The following ARL15 variants were observed in gnomAD, a reference collection of about 807,000 sequenced individuals.
ARL15 encodes the protein ARF like GTPase 15.
ARL15 carries 19 observed loss-of-function variants against 25.2 expected under a neutral mutation model. That is an observed-to-expected ratio of 0.75 (90% CI 0.53 to 1.10). ARL15 has a LOEUF of 1.10. Ranked by LOEUF, ARL15 falls within the 50% of genes least tolerant of loss-of-function variation. The pLI is 0.00. For synonymous variants in ARL15, 94 were observed against 86.8 expected, an observed-to-expected ratio of 1.08 and a Z score of -0.46; for missense variants, 220 against 246.0, an observed-to-expected ratio of 0.89 and a Z score of 0.71.
At chr5:54,096,261 T>C (rs1015805704) in intron 4 of ARL15, among the ~76,000 whole-genome samples, 3 of 152,214 alleles carry the variant, frequency 2.0e-5, no homozygotes, top group African/African-American at 7.2e-5. Flanking sequence ...TTATCTGTTA[T>C]ATGTAGGTTA....
intron 4 of ARL15, among the ~76,000 whole-genome samples, chr5:53,991,157 G>C (rs1465539960): frequency 6.6e-6 from 1 of 152,104 alleles, no homozygotes; most frequent in Non-Finnish European, 1.5e-5. Flanking sequence ...TGTTATACTT[G>C]GTAGGGAATA....
At chr5:54,121,689 T>C (rs563740423) in intron 3 of ARL15, among the ~76,000 whole-genome samples, 1 of 152,220 alleles carries the variant, frequency 6.6e-6, no homozygotes, top group South Asian at 2.1e-4. Flanking sequence ...AAGGACAGAA[T>C]GATGGTAGAG....
At chr5:54,148,360 T>C (rs552540680) in intron 3 of ARL15, among the ~76,000 whole-genome samples, 9 of 152,264 alleles carry the variant, frequency 5.9e-5, no homozygotes, top group African/African-American at 2.2e-4. Context: ...AACATCTGTT[T>C]CATATAACAG....
At chr5:54,064,743 A>T (rs78280922) in intron 4 of ARL15, among the ~76,000 whole-genome samples, 1 of 148,946 alleles carries the variant, frequency 6.7e-6, no homozygotes. Context: ...AAAAAAAAAA[A>T]CATTTACTTA....
intron 3 of ARL15, among the ~76,000 whole-genome samples, chr5:54,134,294 T>C (rs1197460316): frequency 6.6e-5 from 10 of 152,172 alleles, no homozygotes; most frequent in Non-Finnish European, 1.5e-4. Context: ...GGAAAGTATT[T>C]GACAAGTCTC....
chr5:54,273,334 T>A (rs1757839466), intron 1 of ARL15, among the ~76,000 whole-genome samples: 1 of 152,228 alleles, frequency 6.6e-6, no homozygotes, highest in African/African-American at 2.4e-5. Context: ...GTGCTCCTGC[T>A]GAGATGCACT....
At chr5:54,051,399 T>C (rs1224856801) in intron 4 of ARL15, among the ~76,000 whole-genome samples, 1 of 152,234 alleles carries the variant, frequency 6.6e-6, no homozygotes, top group Non-Finnish European at 1.5e-5. Flanking sequence ...TGAAACTTTT[T>C]CTTCCTGTTC....
At chr5:54,116,728 C>T (rs1006984398) in intron 3 of ARL15, among the ~76,000 whole-genome samples, 1 of 152,092 alleles carries the variant, frequency 6.6e-6, no homozygotes, top group African/African-American at 2.4e-5. Flanking sequence ...AGTCTAATGA[C>T]TATCATGAGG....
chr5:54,251,379 G>C (rs762720002), intron 1 of ARL15, among the ~76,000 whole-genome samples: 4 of 152,134 alleles, frequency 2.6e-5, no homozygotes, highest in Non-Finnish European at 5.9e-5. Context: ...TCCACAAGCA[G>C]AATTAAATTA....
intron 4 of ARL15, among the ~76,000 whole-genome samples, chr5:54,058,214 C>T (rs540829673): frequency 7.1e-4 from 108 of 152,008 alleles, no homozygotes; most frequent in African/African-American, 2.3e-3. Context: ...CCATGTTGCC[C>T]GGGCTGGTCT....
intron 4 of ARL15, among the ~76,000 whole-genome samples, chr5:54,046,569 C>T (rs1171374084): frequency 4.6e-5 from 7 of 151,866 alleles, no homozygotes; most frequent in Non-Finnish European, 8.8e-5. Context: ...AAAATACAAA[C>T]CAGTTTGAAT....
In ARL15 at chr5:54,085,639, T is replaced by C. The variant is rs189486873; in HGVS notation, c.462+27563A>G. On this transcript the variant is annotated intron_variant, in intron 4 of 4. Coordinates refer to ENST00000504924, the MANE Select transcript of ARL15 (RefSeq NM_019087.3). ...CAATTGTACATAAAATATTTTTAAA[T>C]TCCCTTCAGCTATCAATATATAAAT... is the stretch of plus-strand genomic sequence containing the variant. 9.2e-5 allele frequency among the ~76,000 whole-genome samples: 14 copies of C among 152,288 alleles called. No homozygotes were observed. In the East Asian group the frequency reaches 1.2e-3, roughly 13 times the overall value.
chr5:53,924,700 A>C (rs1745964663), intron 4 of ARL15, among the ~76,000 whole-genome samples: 1 of 151,970 alleles, frequency 6.6e-6, no homozygotes, highest in Non-Finnish European at 1.5e-5. Context: ...CCTCCTCCCA[A>C]CTCTGGACAG....
chr5:54,147,701 G>C lies in ARL15; in HGVS notation c.253+6879C>G, dbSNP rs113675041. 7.2e-3 allele frequency among the ~76,000 whole-genome samples: 1,101 copies of C among 152,210 alleles called. 13 individuals carry two copies. Among genetic ancestry groups the C allele is most frequent in the African/African-American group, 0.025 (1,055 of 41,536 alleles). ...TCCCTCCCATGGACACCTATGTCTG[G>C]AAATGTCTAAAACACTTTTCGAATA... On this transcript the variant is annotated intron_variant, in intron 3 of 4. Coordinates refer to ENST00000504924, the MANE Select transcript of ARL15 (RefSeq NM_019087.3).
intron 4 of ARL15, among the ~76,000 whole-genome samples, chr5:54,012,979 T>C (rs1174429564): frequency 6.6e-6 from 1 of 151,978 alleles, no homozygotes; most frequent in East Asian, 1.9e-4. Context: ...TTCGAATTTT[T>C]AGTAGAGACG....
chr5:54,172,728 T>C lies in ARL15; in HGVS notation c.49-800A>G, dbSNP rs1314151040. Among the ~76,000 whole-genome samples, 5 of 152,222 alleles carry C rather than the reference T, an allele frequency of 3.3e-5. No homozygotes were observed. The East Asian group carries it at 7.7e-4, about 23-fold the overall frequency. On this transcript the variant is annotated intron_variant, in intron 1 of 4. Transcript: ENST00000504924. ...GCAAAATGTTAATGACTAGTGATGC[T>C]GAGTAAAGAGAATAGAGGAAAACTC...
chr5:54,228,627 A>C (rs888319902), intron 1 of ARL15, among the ~76,000 whole-genome samples: 19 of 152,288 alleles, frequency 1.2e-4, no homozygotes, highest in African/African-American at 4.6e-4. Flanking sequence ...TATCTGAAAT[A>C]GTTCTAACCT....
intron 1 of ARL15, among the ~76,000 whole-genome samples, chr5:54,260,661 A>G (rs13360423): frequency 0.042 from 6,396 of 152,268 alleles, 297 homozygotes; most frequent in African/African-American, 0.12. Context: ...TATATAATGC[A>G]TATTTTTCCT....
At chr5:53,888,443 G>T (rs1424127544) in intron 4 of ARL15, among the ~76,000 whole-genome samples, 4 of 151,956 alleles carry the variant, frequency 2.6e-5, no homozygotes, top group Admixed American at 6.6e-5. Flanking sequence ...ACAACAACTG[G>T]CTAATTTTTA....
Sources: gnomAD v4.1 joint callset for allele counts (sites outside exome capture counted in the v4.1 genomes callset) on GRCh38, gnomAD v4.1.1 for gene constraint, MANE v1.5 for transcripts, NCBI Gene and HGNC (gene_info 2026-07-23, HGNC 2026-07-21) for gene names.